Variants in RGS7 observed in about 807,000 individuals in gnomAD.
The protein encoded by RGS7 is regulator of G protein signaling 7.
RGS7 carries 27 observed loss-of-function variants against 81.1 expected under a neutral mutation model. The observed-to-expected ratio is 0.33, with a 90% CI of 0.25 to 0.46. The LOEUF (loss-of-function observed/expected upper bound fraction) is 0.46. Ranked by LOEUF, RGS7 falls within the 20% of genes least tolerant of loss-of-function variation. The probability of loss-of-function intolerance (pLI) is 1.00; values close to 1 mark genes in which losing one functional copy is unlikely to be tolerated. For missense variants in RGS7, 396 were observed against 607.4 expected (o/e 0.65, Z 3.66); for synonymous variants, 208 against 207.7 (o/e 1.00, Z -0.01).
chr1:240,919,355 C>T (rs977400746), intron 6 of RGS7, among the ~76,000 whole-genome samples: 1 of 152,070 alleles, frequency 6.6e-6, no homozygotes, highest in Non-Finnish European at 1.5e-5. Flanking sequence ...TTATATCCAA[C>T]AATGTATAAA....
At chr1:241,152,503 C>G (rs2068828220) in intron 2 of RGS7, among the ~76,000 whole-genome samples, 1 of 152,188 alleles carries the variant, frequency 6.6e-6, no homozygotes, top group Non-Finnish European at 1.5e-5. Context: ...GCAACTCATT[C>G]CTGAAGCCCA....
At chr1:241,129,263 AC>A in intron 2 of RGS7, among the ~76,000 whole-genome samples, 1 of 144,242 alleles carries the variant, frequency 6.9e-6, no homozygotes, top group Non-Finnish European at 1.5e-5. Context: ...AAACAAACAA[AC>A]AAACAAAAAA....
intron 3 of RGS7, among the ~76,000 whole-genome samples, chr1:241,040,974 G>A (rs1408265302): frequency 1.3e-5 from 2 of 152,160 alleles, no homozygotes; most frequent in Non-Finnish European, 2.9e-5. Context: ...AGAAGAGTGT[G>A]TACGGGTGCA....
chr1:241,217,870 C>T (rs1055554730), intron 2 of RGS7, among the ~76,000 whole-genome samples: 1 of 152,160 alleles, frequency 6.6e-6, no homozygotes, highest in South Asian at 2.1e-4. Context: ...TGCAGGAGAA[C>T]CTTTCAGGAG....
At position 240,886,960 on chromosome 1, in the gene RGS7, T is replaced by G. The variant is rs186808889; in HGVS notation, c.386-16841A>C. On this transcript the variant is annotated intron_variant, in intron 6 of 18. Transcript: ENST00000440928. ...CTGGCCTTCCTGTTAACTATGATAT[T>G]GGATGAGTCTCTAGACCATCCTGAT... Among the ~76,000 whole-genome samples the G allele has an allele frequency of 3.3e-5, 5 of 152,302 alleles. No homozygotes were observed. In the East Asian group the frequency reaches 9.7e-4, roughly 29 times the overall value.
intron 3 of RGS7, among the ~76,000 whole-genome samples, chr1:241,009,397 A>C (rs2058844213): frequency 6.6e-6 from 1 of 152,220 alleles, no homozygotes. Context: ...TCAGCTTTGC[A>C]CATGAATAAA....
intron 2 of RGS7, among the ~76,000 whole-genome samples, chr1:241,180,292 G>A (rs566759708): frequency 3.3e-5 from 5 of 152,098 alleles, no homozygotes; most frequent in Non-Finnish European, 5.9e-5. Context: ...GGAGAATGGC[G>A]TGAACCCGGG....
chr1:240,963,094 C>T (rs892330129), intron 4 of RGS7, among the ~76,000 whole-genome samples: 7 of 152,066 alleles, frequency 4.6e-5, no homozygotes, highest in African/African-American at 1.4e-4. Flanking sequence ...AGGTAGAAAA[C>T]AGTGGCAGTT....
chr1:241,334,077 A>G (rs1224630849), intron 2 of RGS7, among the ~76,000 whole-genome samples: 1 of 151,674 alleles, frequency 6.6e-6, no homozygotes, highest in African/African-American at 2.4e-5. Flanking sequence ...GTATATGTAT[A>G]TATGTATACT....
chr1:240,887,234 T>TGTTGTTGTTGTTGCTGCTGTTG (rs59606888), intron 6 of RGS7, among the ~76,000 whole-genome samples: 1 of 147,638 alleles, frequency 6.8e-6, no homozygotes, highest in African/African-American at 2.6e-5. Context: ...AGGTTTTTTT[T>TGTTGTTGTTGTTGCTGCTGTTG]TTTTTTTTTT....
At chr1:240,905,600 C>T (rs949632702) in intron 6 of RGS7, among the ~76,000 whole-genome samples, 26 of 152,240 alleles carry the variant, frequency 1.7e-4, no homozygotes, top group African/African-American at 6.0e-4. Context: ...AGTCTGATTC[C>T]AAAACTTATA....
chr1:241,083,386 A>G (rs1420883867), intron 3 of RGS7, among the ~76,000 whole-genome samples: 1 of 152,212 alleles, frequency 6.6e-6, no homozygotes, highest in Admixed American at 6.5e-5. Context: ...GCTAATTTAC[A>G]ATAAGGAAAG....
intron 6 of RGS7, among the ~76,000 whole-genome samples, chr1:240,885,104 C>T (rs1051405192): frequency 6.6e-6 from 1 of 152,194 alleles, no homozygotes; most frequent in African/African-American, 2.4e-5. Context: ...TGAACAGACA[C>T]TTTTCCAAAC....
At chr1:241,052,715 A>G (rs1343983648) in intron 3 of RGS7, among the ~76,000 whole-genome samples, 2 of 151,900 alleles carry the variant, frequency 1.3e-5, no homozygotes, top group Non-Finnish European at 2.9e-5. Flanking sequence ...CCCCCAAAGT[A>G]TTGAACTAAT....
intron 2 of RGS7, among the ~76,000 whole-genome samples, chr1:241,138,588 A>T (rs1558119952): frequency 6.6e-6 from 1 of 152,194 alleles, no homozygotes. Context: ...TAGCAGAGCC[A>T]TGGATACTTA....
At chr1:241,036,825 C>T (rs1035571618) in intron 3 of RGS7, among the ~76,000 whole-genome samples, 2 of 152,132 alleles carry the variant, frequency 1.3e-5, no homozygotes, top group African/African-American at 2.4e-5. Flanking sequence ...GTAAGGTGAA[C>T]AGAAATGTTT....
chr1:240,810,379 T>C (rs1935577), intron 14 of RGS7, among the ~76,000 whole-genome samples: 71,218 of 151,598 alleles, frequency 0.47, 18,394 homozygotes, highest in Non-Finnish European at 0.58. Context: ...ATGAGAGGAA[T>C]GTCCATCTCC....
In RGS7 at chr1:241,334,983, A is replaced by G. The variant is rs79925408; in HGVS notation, c.78+20716T>C. On this transcript the variant is annotated intron_variant, in intron 2 of 18. Coordinates refer to ENST00000440928, the MANE Select transcript of RGS7 (RefSeq NM_001364886.1). ...AATGTTCTGAACAATCAAAAATAATATCCATGGGGCAATTAATTTCCTGCA... is the reference window on the plus strand; with the variant it reads ...AATGTTCTGAACAATCAAAAATAATGTCCATGGGGCAATTAATTTCCTGCA... Among the ~76,000 whole-genome samples the G allele has an allele frequency of 6.7e-3, 1,028 of 152,332 alleles. 6 individuals carry two copies. Among genetic ancestry groups the G allele is most frequent in the African/African-American group, 0.024 (978 of 41,566 alleles).
chr1:240,846,007 T>C (rs1178383938), intron 9 of RGS7, among the ~76,000 whole-genome samples: 4 of 152,190 alleles, frequency 2.6e-5, no homozygotes, highest in African/African-American at 9.7e-5. Context: ...TCAGTATGTA[T>C]TTAATGTCAT....
Sources: gnomAD v4.1 joint callset for allele counts (sites outside exome capture counted in the v4.1 genomes callset) on GRCh38, gnomAD v4.1.1 for gene constraint, MANE v1.5 for transcripts, NCBI Gene and HGNC (gene_info 2026-07-23, HGNC 2026-07-21) for gene names.